LSAMP: variants seen among roughly 807,000 people sequenced by gnomAD.
LSAMP encodes the protein limbic system-associated membrane protein.
Under a neutral mutation model 38.6 loss-of-function variants are expected in LSAMP, and 7 were observed. That is an observed-to-expected ratio of 0.18 (90% CI 0.10 to 0.34). The LOEUF is 0.34. Ranked by LOEUF, LSAMP falls within the 10% of genes least tolerant of loss-of-function variation. LSAMP has a pLI of 1.00. For missense variants in LSAMP, 313 were observed against 420.0 expected, an observed-to-expected ratio of 0.75 and a Z score of 2.23; for synonymous variants, 154 against 166.8, an observed-to-expected ratio of 0.92 and a Z score of 0.59.
chr3:116,445,455 C>T lies in LSAMP; in HGVS notation c.-424G>A. 2.2e-6 allele frequency: 1 copy of T among 452,498 alleles called. No individual in the cohort carries two copies. Among genetic ancestry groups the T allele is most frequent in the Admixed American group, 3.8e-5 (1 of 26,294 alleles). 28.0% of individuals were successfully genotyped at this position (452,498 alleles called of 1,614,324 possible). ...GCGGGCGAGGGAGCCGGCACCAAGC[C>T]TGCCAGTGAGTGTACAGAAACAGCC... is the stretch of plus-strand genomic sequence containing the variant. On this transcript the variant is annotated 5_prime_UTR_variant, in exon 1 of 7. Transcript: ENST00000490035.
At chr3:115,924,554 G>C (rs190091197) in intron 3 of LSAMP, among the ~76,000 whole-genome samples, 1 of 152,162 alleles carries the variant, frequency 6.6e-6, no homozygotes, top group Non-Finnish European at 1.5e-5. Flanking sequence ...TGGACATTTA[G>C]AGACAGAGAA....
intron 1 of LSAMP, among the ~76,000 whole-genome samples, chr3:116,098,103 A>G (rs181277283): frequency 6.6e-6 from 1 of 152,268 alleles, no homozygotes; most frequent in Admixed American, 6.5e-5. Context: ...GTAGCTGCAA[A>G]CTGAAGGAGA....
At chr3:115,891,017 GT>G (rs1169421959) in intron 3 of LSAMP, among the ~76,000 whole-genome samples, 18 of 151,878 alleles carry the variant, frequency 1.2e-4, no homozygotes, top group African/African-American at 4.1e-4. Context: ...GATAAGGAGT[GT>G]TTCCATTATG....
intron 1 of LSAMP, among the ~76,000 whole-genome samples, chr3:116,112,566 T>C (rs186849551): frequency 6.6e-6 from 1 of 152,356 alleles, no homozygotes; most frequent in African/African-American, 2.4e-5. Context: ...AGTATTTTAA[T>C]AGATGGCTCT....
intron 6 of LSAMP, among the ~76,000 whole-genome samples, chr3:115,822,442 C>T (rs1205373863): frequency 6.6e-6 from 1 of 150,556 alleles, no homozygotes; most frequent in African/African-American, 2.5e-5. Flanking sequence ...CCCACCACAA[C>T]CTCCATCTCC....
intron 6 of LSAMP, among the ~76,000 whole-genome samples, chr3:115,830,628 TATTATTACC>T (rs1327846982): frequency 2.6e-5 from 4 of 152,220 alleles, no homozygotes; most frequent in African/African-American, 9.6e-5. Flanking sequence ...TTATTATTAA[TATTATTACC>T]ATTATTAAAC....
chr3:116,103,302 A>G, intron 1 of LSAMP, among the ~76,000 whole-genome samples: 1 of 151,970 alleles, frequency 6.6e-6, no homozygotes, highest in Non-Finnish European at 1.5e-5. Context: ...CCCTGTCTGT[A>G]CTAAAAATAC....
chr3:115,979,672 C>T (rs977189270), intron 3 of LSAMP, among the ~76,000 whole-genome samples: 1 of 152,046 alleles, frequency 6.6e-6, no homozygotes, highest in Admixed American at 6.6e-5. Context: ...ATCTCCATTG[C>T]CTAAAATCTC....
intron 3 of LSAMP, among the ~76,000 whole-genome samples, chr3:115,891,578 A>G (rs1936601231): frequency 3.3e-5 from 5 of 151,990 alleles, no homozygotes; most frequent in Admixed American, 3.3e-4. Flanking sequence ...ATGAGTTTTT[A>G]TAGTTGTTTG....
chr3:115,878,142 T>G (rs1026222241), intron 3 of LSAMP, among the ~76,000 whole-genome samples: 3 of 152,056 alleles, frequency 2.0e-5, no homozygotes, highest in Non-Finnish European at 4.4e-5. Flanking sequence ...GTCTTAAATG[T>G]GGTAATCAGA....
intron 3 of LSAMP, 26 bp from the exon 4 acceptor site, chr3:115,852,643 C>T: frequency 6.3e-7 from 1 of 1,599,212 alleles, no homozygotes; most frequent in Non-Finnish European, 8.5e-7. Context: ...TTTCATGATT[C>T]TTTTTTAAAG....
At chr3:116,436,280 T>C (rs967598873) in intron 1 of LSAMP, among the ~76,000 whole-genome samples, 7 of 152,190 alleles carry the variant, frequency 4.6e-5, no homozygotes, top group Non-Finnish European at 8.8e-5. Context: ...TTTCCAGACA[T>C]TGGCTTAGGC....
rs749038704 is a variant in LSAMP at position 116,445,010 on chromosome 3, C to T, written c.22G>A (p.Asp8Asn). The T allele has an allele frequency of 8.1e-6, 13 of 1,613,822 alleles. No homozygotes were observed. The highest frequency in any genetic ancestry group is 3.3e-4 in the Middle Eastern group (2 of 6,062). Residue 8 changes from aspartate (D) to asparagine (N), a missense_variant, in exon 1 of 7, where the codon GAT becomes AAT. Coordinates refer to ENST00000490035, the MANE Select transcript of LSAMP (RefSeq NM_002338.5). MVRRVQPDRKQLPLVLLR... is the reference protein window; with the variant it reads MVRRVQPNRKQLPLVLLR... ...AGGACCAGTGGCAACTGTTTCCGATCCGGCTGAACTCTCCTGACCATGGTG... is the reference window on the plus strand; with the variant it reads ...AGGACCAGTGGCAACTGTTTCCGATTCGGCTGAACTCTCCTGACCATGGTG...
intron 1 of LSAMP, among the ~76,000 whole-genome samples, chr3:116,412,733 T>G (rs1162057610): frequency 6.6e-6 from 1 of 152,092 alleles, no homozygotes; most frequent in African/African-American, 2.4e-5. Flanking sequence ...ATCGTTATGG[T>G]TTGGTGACTT....
chr3:115,949,422 A>G (rs1938209436), intron 3 of LSAMP, among the ~76,000 whole-genome samples: 1 of 151,970 alleles, frequency 6.6e-6, no homozygotes, highest in Admixed American at 6.6e-5. Flanking sequence ...TTAGATTTAT[A>G]CAAAAGGTCA....
intron 3 of LSAMP, among the ~76,000 whole-genome samples, chr3:115,967,776 A>G (rs1240294005): frequency 6.6e-6 from 1 of 151,730 alleles, no homozygotes; most frequent in African/African-American, 2.4e-5. Flanking sequence ...AAACCATTAG[A>G]TCTCATGAGA....
rs532026622 is a variant in LSAMP, at chr3:116,088,608, T to G, written c.156-2052A>C. ...GTTTTTTCTATTCTAGTAAGAAGGATAGAAATTTACCTGTGTAAATGTGTT... is the reference window on the plus strand; with the variant it reads ...GTTTTTTCTATTCTAGTAAGAAGGAGAGAAATTTACCTGTGTAAATGTGTT... On this transcript the variant is annotated intron_variant, in intron 1 of 6. Coordinates refer to ENST00000490035, the MANE Select transcript of LSAMP (RefSeq NM_002338.5). Among the ~76,000 whole-genome samples the G allele has an allele frequency of 1.3e-5, 2 of 152,210 alleles. 1 individual carries two copies. Among genetic ancestry groups the G allele is most frequent in the South Asian group, 4.1e-4 (2 of 4,834 alleles).
chr3:116,181,532 A>G (rs1710484938), intron 1 of LSAMP, among the ~76,000 whole-genome samples: 1 of 152,040 alleles, frequency 6.6e-6, no homozygotes, highest in Admixed American at 6.6e-5. Flanking sequence ...CCTATTTCCT[A>G]AGGAGGCACA....
At chr3:116,188,115 G>A (rs912989494) in intron 1 of LSAMP, among the ~76,000 whole-genome samples, 1 of 152,008 alleles carries the variant, frequency 6.6e-6, no homozygotes, top group Non-Finnish European at 1.5e-5. Context: ...AAGTTCATTG[G>A]TGCTCCTTAC....
Sources: gnomAD v4.1 joint callset for allele counts (sites outside exome capture counted in the v4.1 genomes callset) on GRCh38, gnomAD v4.1.1 for gene constraint, MANE v1.5 for transcripts, NCBI Gene and HGNC (gene_info 2026-07-23, HGNC 2026-07-21) for gene names.